The following LIPC variants were observed in gnomAD, a reference collection of about 807,000 sequenced individuals.
LIPC encodes lipase C, hepatic type.
In LIPC, 44 loss-of-function variants were observed where a neutral mutation model predicts 50.7. That is an observed-to-expected ratio of 0.87 (90% confidence interval 0.68 to 1.11). The LOEUF (loss-of-function observed/expected upper bound fraction) is 1.11, where lower values mean the gene tolerates loss of function less well. Ranked by LOEUF, LIPC falls within the 50% of genes most tolerant of loss-of-function variation. LIPC has a pLI of 0.00. For synonymous variants in LIPC, 271 were observed against 256.4 expected (o/e 1.06, Z -0.54); for missense variants, 697 against 648.2 (o/e 1.08, Z -0.82).
At chr15:58,566,836 G>T (rs1894378886) in intron 8 of LIPC, among the ~76,000 whole-genome samples, 1 of 152,142 alleles carries the variant, frequency 6.6e-6, no homozygotes, top group Non-Finnish European at 1.5e-5. Context: ...TCATTAGTTT[G>T]GCAGGAATTC....
rs924548064 is a variant in LIPC, at chr15:58,542,556, G to C, written c.479G>C (p.Ser160Thr). Residue 160 changes from serine to threonine, a missense_variant, in exon 4 of 9, where the codon AGC (serine) becomes ACC (threonine). Ser to Thr is a moderately conservative substitution (Grantham distance 58). Coordinates refer to ENST00000299022, the MANE Select transcript of LIPC (RefSeq NM_000236.3). ...WLEESVQLSRSHVHLIGYSLG... is the reference protein window; with the variant it reads ...WLEESVQLSRTHVHLIGYSLG... Reference sequence around the variant, plus strand: ...CAGGAATCTGTGCAACTCTCTCGAAGCCATGTTCACCTAATTGGGTACAGC... The same window carrying C: ...CAGGAATCTGTGCAACTCTCTCGAACCCATGTTCACCTAATTGGGTACAGC... The C allele has an allele frequency of 3.1e-6, 5 of 1,613,368 alleles. No homozygotes were observed. The highest frequency in any genetic ancestry group is 4.2e-6 in the Non-Finnish European group (5 of 1,179,366).
chr15:58,535,781 A>G (rs1893097923), intron 1 of LIPC, among the ~76,000 whole-genome samples: 1 of 152,246 alleles, frequency 6.6e-6, no homozygotes, highest in East Asian at 1.9e-4. Context: ...ACCTCATAAG[A>G]TAGGCACTAT....
chr15:58,543,537 T>G (rs1276643577), intron 4 of LIPC, among the ~76,000 whole-genome samples: 3 of 152,076 alleles, frequency 2.0e-5, no homozygotes, highest in African/African-American at 7.2e-5. Flanking sequence ...TCCTCATCCT[T>G]CAAGACCCAG....
intron 1 of LIPC, among the ~76,000 whole-genome samples, chr15:58,483,647 A>G (rs1435069079): frequency 6.6e-6 from 1 of 152,200 alleles, no homozygotes; most frequent in African/African-American, 2.4e-5. Flanking sequence ...TCTATTTTCT[A>G]AGTAAATCTA....
chr15:58,469,877 C>T (rs956465221), intron 1 of LIPC, among the ~76,000 whole-genome samples: 1 of 151,954 alleles, frequency 6.6e-6, no homozygotes, highest in Non-Finnish European at 1.5e-5. Context: ...CTGATGGGCA[C>T]GTCACATTTT....
intron 1 of LIPC, among the ~76,000 whole-genome samples, chr15:58,532,505 T>C (rs1410879024): frequency 6.6e-6 from 1 of 152,220 alleles, no homozygotes. Flanking sequence ...AGTGGATGTT[T>C]ACAAAGCAAA....
At position 58,568,916 on chromosome 15, in the gene LIPC, G is replaced by A. The variant is rs1302561091; in HGVS notation, c.*89G>A. ...TATTTAGAAGCCAAAATTACATAAA[G>A]AATCTCACACAAAGCTTAAATAAAG... On this transcript the variant is annotated 3_prime_UTR_variant, in exon 9 of 9. Coordinates refer to ENST00000299022, the MANE Select transcript of LIPC (RefSeq NM_000236.3). 1.4e-6 allele frequency: 1 copy of A among 699,120 alleles called. No homozygotes were observed. Among genetic ancestry groups the A allele is most frequent in the Non-Finnish European group, 2.4e-6 (1 of 417,422 alleles). The allele number at this position is 699,120 out of a possible 1,614,324, so 43.3% of individuals were successfully genotyped here.
intron 1 of LIPC, among the ~76,000 whole-genome samples, chr15:58,445,424 G>A (rs1275738154): frequency 1.3e-5 from 2 of 152,234 alleles, no homozygotes; most frequent in African/African-American, 4.8e-5. Context: ...GCCAAGGCCG[G>A]CTGCCACTTT....
chr15:58,496,921 G>A (rs1194944405), intron 1 of LIPC, among the ~76,000 whole-genome samples: 1 of 152,070 alleles, frequency 6.6e-6, no homozygotes, highest in Non-Finnish European at 1.5e-5. Flanking sequence ...CTGACCTCAG[G>A]TTATCCACCC....
At chr15:58,447,347 T>A (rs1316608700) in intron 1 of LIPC, among the ~76,000 whole-genome samples, 1 of 152,066 alleles carries the variant, frequency 6.6e-6, no homozygotes, top group African/African-American at 2.4e-5. Context: ...GCTCGACATC[T>A]GTGACAGGAC....
chr15:58,455,534 T>C (rs558332212), intron 1 of LIPC, among the ~76,000 whole-genome samples: 115 of 152,292 alleles, frequency 7.6e-4, no homozygotes, highest in Non-Finnish European at 1.5e-3. Flanking sequence ...TCAAAAACAA[T>C]GATTTGATTG....
chr15:58,542,567 C>T lies in LIPC; in HGVS notation c.490C>T (p.Leu164=), dbSNP rs1893367386. 6.2e-7 allele frequency: 1 copy of T among 1,613,728 alleles called. No homozygotes were observed. The highest frequency in any genetic ancestry group is 8.5e-7 in the Non-Finnish European group (1 of 1,179,690). The stretch of plus-strand genomic sequence containing the variant: ...GCAACTCTCTCGAAGCCATGTTCAC[C>T]TAATTGGGTACAGCCTGGGTGCACA... ...SVQLSRSHVH[L]IGYSLGAHVS... Residue 164 remains leucine, a synonymous_variant, in exon 4 of 9, where the codon CTA becomes TTA. Transcript: ENST00000299022.
Position 58,545,971 on chromosome 15 carries a change from C to T in LIPC, c.804C>T (p.Phe268=), listed in dbSNP as rs1198483164. ...ELYRHIAQHG[F]NAITQTIKCS... ...ACAGACATATTGCCCAGCACGGCTT[C>T]AATGGTGAGAATGAAGTCATGGGCC... The change falls in exon 5 of 9, where the codon TTC becomes TTT. Residue 268 remains phenylalanine (F), a synonymous_variant. Transcript: ENST00000299022. The T allele has an allele frequency of 6.2e-7, 1 of 1,611,808 alleles. No homozygotes were observed. Among genetic ancestry groups the T allele is most frequent in the South Asian group, 1.1e-5 (1 of 91,016 alleles).
chr15:58,493,293 G>A (rs948954893), intron 1 of LIPC, among the ~76,000 whole-genome samples: 1 of 152,074 alleles, frequency 6.6e-6, no homozygotes, highest in Non-Finnish European at 1.5e-5. Context: ...CTGTCTGCCC[G>A]TTTGGACTAG....
chr15:58,498,606 G>A (rs570012962), intron 1 of LIPC: 2 of 152,120 alleles, frequency 1.3e-5, no homozygotes, highest in Non-Finnish European at 2.9e-5. Context: ...TCTTTAGGGG[G>A]GCAATCATGA....
At chr15:58,515,967 G>A (rs767282854) in intron 1 of LIPC, among the ~76,000 whole-genome samples, 10 of 152,052 alleles carry the variant, frequency 6.6e-5, no homozygotes, top group Non-Finnish European at 1.0e-4. Context: ...TCTCATAAGC[G>A]CGAACACGGG....
At chr15:58,522,008 A>T (rs1235293411) in intron 1 of LIPC, 2 of 152,080 alleles carry the variant, frequency 1.3e-5, no homozygotes, top group Non-Finnish European at 2.9e-5. Context: ...TTGCGTCTTC[A>T]TCAGAAAGCA....
intron 1 of LIPC, among the ~76,000 whole-genome samples, chr15:58,480,694 C>T (rs1891157052): frequency 6.6e-6 from 1 of 152,208 alleles, no homozygotes. Context: ...CATAAACTTT[C>T]TTGAAACGTT....
chr15:58,451,127 A>C (rs1893885246), intron 1 of LIPC, among the ~76,000 whole-genome samples: 1 of 152,132 alleles, frequency 6.6e-6, no homozygotes, highest in Admixed American at 6.5e-5. Flanking sequence ...CATTACTTGG[A>C]GGCATGTATC....
Sources: allele counts gnomAD v4.1 joint callset (sites outside exome capture counted in the v4.1 genomes callset), GRCh38; gene constraint gnomAD v4.1.1; transcripts MANE v1.5; gene names NCBI Gene and HGNC (gene_info 2026-07-23, HGNC 2026-07-21).